The following COMMD10 variants were observed in gnomAD, a reference collection of about 807,000 sequenced individuals.
The protein encoded by COMMD10 is COMM domain-containing protein 10.
Under a neutral mutation model 28.9 loss-of-function variants are expected in COMMD10, and 33 were observed. The observed-to-expected ratio is 1.14, with a 90% CI of 0.87 to 1.53. The LOEUF (loss-of-function observed/expected upper bound fraction) is 1.53, where lower values mean the gene tolerates loss of function less well. Among genes scored for constraint, COMMD10 ranks in the 40% most tolerant of loss-of-function variants. The pLI is 0.00. For synonymous variants in COMMD10, 110 were observed against 81.7 expected, an observed-to-expected ratio of 1.35 and a Z score of -1.87; for missense variants, 310 against 233.4, an observed-to-expected ratio of 1.33 and a Z score of -2.14.
chr5:116,130,056 A>G (rs987901124), intron 4 of COMMD10, among the ~76,000 whole-genome samples: 3 of 151,602 alleles, frequency 2.0e-5, no homozygotes, highest in African/African-American at 7.3e-5. Context: ...ATATTTTTCA[A>G]TGACAAAGTT....
At chr5:116,152,433 G>T (rs1273268553) in intron 5 of COMMD10, among the ~76,000 whole-genome samples, 1 of 152,018 alleles carries the variant, frequency 6.6e-6, no homozygotes, top group Admixed American at 6.6e-5. Context: ...TGTGCCAACT[G>T]TAAATGTAGA....
intron 5 of COMMD10, among the ~76,000 whole-genome samples, chr5:116,180,187 C>T (rs1747909080): frequency 6.6e-6 from 1 of 151,964 alleles, no homozygotes; most frequent in Non-Finnish European, 1.5e-5. Flanking sequence ...GCTTGGGTTA[C>T]CTCTGTACAT....
intron 5 of COMMD10, among the ~76,000 whole-genome samples, chr5:116,240,372 C>T (rs1364217050): frequency 6.6e-6 from 1 of 152,152 alleles, no homozygotes; most frequent in African/African-American, 2.4e-5. Context: ...CTCCTGAAAT[C>T]TGCCTGTCCC....
At chr5:116,199,877 G>A (rs1031320002) in intron 5 of COMMD10, among the ~76,000 whole-genome samples, 5 of 152,060 alleles carry the variant, frequency 3.3e-5, no homozygotes, top group Admixed American at 1.3e-4. Context: ...ACCATGCCTG[G>A]CTTTCTTCTT....
At chr5:116,125,542 C>A (rs192534194) in intron 4 of COMMD10, among the ~76,000 whole-genome samples, 1 of 152,076 alleles carries the variant, frequency 6.6e-6, no homozygotes, top group Non-Finnish European at 1.5e-5. Context: ...AGTTGCTCTT[C>A]TCCAGGAGTA....
chr5:116,201,393 T>C (rs1294039160), intron 5 of COMMD10, among the ~76,000 whole-genome samples: 1 of 152,140 alleles, frequency 6.6e-6, no homozygotes, highest in Non-Finnish European at 1.5e-5. Flanking sequence ...TGCCCCTGCA[T>C]TTTTCAGTTT....
At chr5:116,117,332 TTC>T (rs1393173171) in intron 4 of COMMD10, among the ~76,000 whole-genome samples, 1 of 152,188 alleles carries the variant, frequency 6.6e-6, no homozygotes, top group Non-Finnish European at 1.5e-5. Flanking sequence ...AGTCTGAGAC[TTC>T]CTATTTAAGT....
intron 5 of COMMD10, among the ~76,000 whole-genome samples, chr5:116,235,769 A>C (rs1375845194): frequency 2.0e-5 from 3 of 152,136 alleles, no homozygotes; most frequent in African/African-American, 7.2e-5. Flanking sequence ...CCCTCCTTGG[A>C]ATCTCTTAAG....
chr5:116,089,348 C>G (rs1239711730), intron 2 of COMMD10, among the ~76,000 whole-genome samples: 3 of 152,206 alleles, frequency 2.0e-5, no homozygotes, highest in African/African-American at 4.8e-5. Context: ...CTCCGTAACT[C>G]TCTCCCTTAT....
chr5:116,270,770 C>T (rs1184935521), intron 5 of COMMD10, among the ~76,000 whole-genome samples: 1 of 151,650 alleles, frequency 6.6e-6, no homozygotes, highest in Non-Finnish European at 1.5e-5. Flanking sequence ...AACCCCATCT[C>T]TACTGAATAC....
At chr5:116,090,986 C>G in intron 2 of COMMD10, 93 bp from the exon 3 acceptor site, 1 of 651,996 alleles carries the variant, frequency 1.5e-6, no homozygotes, top group East Asian at 2.9e-5. Context: ...TTAAAGTTCT[C>G]ATCTCATATA....
intron 4 of COMMD10, among the ~76,000 whole-genome samples, chr5:116,122,096 T>G (rs1028116105): frequency 6.6e-6 from 1 of 152,232 alleles, no homozygotes; most frequent in Non-Finnish European, 1.5e-5. Flanking sequence ...GGTTTTCTTC[T>G]AGGGTTTTTA....
At chr5:116,107,946 T>A (rs1750897835) in intron 4 of COMMD10, among the ~76,000 whole-genome samples, 1 of 152,224 alleles carries the variant, frequency 6.6e-6, no homozygotes, top group Non-Finnish European at 1.5e-5. Flanking sequence ...GCCCTTCTGC[T>A]GGAGTTTGCT....
intron 4 of COMMD10, among the ~76,000 whole-genome samples, chr5:116,100,678 GAAAA>G (rs59761979): frequency 6.7e-6 from 1 of 149,754 alleles, no homozygotes; most frequent in Non-Finnish European, 1.5e-5. Flanking sequence ...AGGGCCAATT[GAAAA>G]AAAAACTTGA....
At chr5:116,114,291 G>A (rs1751157994) in intron 4 of COMMD10, among the ~76,000 whole-genome samples, 1 of 152,240 alleles carries the variant, frequency 6.6e-6, no homozygotes, top group African/African-American at 2.4e-5. Context: ...TGTGGTAGCA[G>A]TGTACTGGGC....
At chr5:116,268,913 C>G (rs371470386) in intron 5 of COMMD10, among the ~76,000 whole-genome samples, 11 of 149,296 alleles carry the variant, frequency 7.4e-5, no homozygotes, top group Non-Finnish European at 1.0e-4. Context: ...CACTTGGACA[C>G]AGAGAGAGGA....
Position 116,186,366 on chromosome 5 carries a change from A to G in COMMD10, c.510+52188A>G, listed in dbSNP as rs551114848. Reference sequence around the variant, plus strand: ...GATAGTCTCATATCCCTAACATTATATTTGCACAATTCTACCTCTCCTTTC... The same window carrying G: ...GATAGTCTCATATCCCTAACATTATGTTTGCACAATTCTACCTCTCCTTTC... On this transcript the variant is annotated intron_variant, in intron 5 of 6. Transcript: ENST00000274458. Among the ~76,000 whole-genome samples, 62 of 152,158 alleles carry G rather than the reference A, an allele frequency of 4.1e-4. 1 individual carries two copies. Among genetic ancestry groups the G allele is most frequent in the South Asian group, 3.5e-3 (17 of 4,822 alleles).
intron 5 of COMMD10, among the ~76,000 whole-genome samples, chr5:116,188,163 C>T (rs1322408137): frequency 5.3e-5 from 8 of 152,118 alleles, no homozygotes; most frequent in Admixed American, 3.9e-4. Context: ...AATTAGTACT[C>T]ATGATGGAGA....
intron 5 of COMMD10, among the ~76,000 whole-genome samples, chr5:116,186,973 T>A (rs1748158418): frequency 6.6e-6 from 1 of 152,198 alleles, no homozygotes; most frequent in Non-Finnish European, 1.5e-5. Flanking sequence ...ATGTAATAAT[T>A]TCAAATACTA....
Sources: allele counts gnomAD v4.1 joint callset (sites outside exome capture counted in the v4.1 genomes callset), GRCh38; gene constraint gnomAD v4.1.1; transcripts MANE v1.5; gene names NCBI Gene and HGNC (gene_info 2026-07-23, HGNC 2026-07-21).